ZBTB7C: variants seen among roughly 807,000 people sequenced by gnomAD.
The protein encoded by ZBTB7C is zinc finger and BTB domain-containing protein 7C.
Under a neutral mutation model 25.7 loss-of-function variants are expected in ZBTB7C, and 8 were observed. The ratio of observed to expected loss-of-function variants is 0.31; its 90% confidence interval spans 0.18 to 0.56. The LOEUF (loss-of-function observed/expected upper bound fraction) is 0.56, where lower values mean the gene tolerates loss of function less well. ZBTB7C is among the 20% of genes least tolerant of loss of function. ZBTB7C has a pLI of 0.91. For synonymous variants in ZBTB7C, 394 were observed against 369.0 expected, an observed-to-expected ratio of 1.07 and a Z score of -0.78; for missense variants, 824 against 855.2, an observed-to-expected ratio of 0.96 and a Z score of 0.46.
At chr18:48,329,641 T>C (rs934640451) in intron 2 of ZBTB7C, among the ~76,000 whole-genome samples, 11 of 152,204 alleles carry the variant, frequency 7.2e-5, no homozygotes, top group African/African-American at 2.7e-4. Flanking sequence ...TTTGCACATA[T>C]GAATACACAT....
chr18:48,090,447 G>A (rs972096965), intron 3 of ZBTB7C, among the ~76,000 whole-genome samples: 1 of 152,196 alleles, frequency 6.6e-6, no homozygotes, highest in African/African-American at 2.4e-5. Flanking sequence ...AACAATTGCT[G>A]TCTGCAGGCC....
intron 3 of ZBTB7C, among the ~76,000 whole-genome samples, chr18:48,161,427 C>T (rs942174696): frequency 1.3e-5 from 2 of 152,038 alleles, no homozygotes; most frequent in African/African-American, 4.8e-5. Context: ...GTAAAACCAA[C>T]GGGGCGGATT....
intron 3 of ZBTB7C, among the ~76,000 whole-genome samples, chr18:48,056,284 A>T (rs572944449): frequency 6.6e-6 from 1 of 152,368 alleles, no homozygotes; most frequent in East Asian, 1.9e-4. Flanking sequence ...CCACAATACC[A>T]TAAAGATGCC....
chr18:48,134,198 G>A (rs1043076571), intron 3 of ZBTB7C, among the ~76,000 whole-genome samples: 4 of 151,758 alleles, frequency 2.6e-5, no homozygotes, highest in Non-Finnish European at 5.9e-5. Flanking sequence ...TCACTCAGAT[G>A]GGTAATAGTT....
At chr18:48,074,650 C>T (rs1180118933) in intron 3 of ZBTB7C, among the ~76,000 whole-genome samples, 1 of 152,236 alleles carries the variant, frequency 6.6e-6, no homozygotes, top group Non-Finnish European at 1.5e-5. Flanking sequence ...GCAGACAGCA[C>T]TCTGGAACAG....
chr18:48,320,370 G>C (rs959548737), intron 2 of ZBTB7C, among the ~76,000 whole-genome samples: 1 of 152,210 alleles, frequency 6.6e-6, no homozygotes, highest in Non-Finnish European at 1.5e-5. Context: ...TGACATGGTG[G>C]GGAGAGGGCA....
intron 1 of ZBTB7C, among the ~76,000 whole-genome samples, chr18:48,358,906 T>C (rs1410366482): frequency 6.6e-6 from 1 of 152,152 alleles, no homozygotes; most frequent in African/African-American, 2.4e-5. Context: ...GGTTTCCTCC[T>C]CCCTTATGCC....
At position 48,114,774 on chromosome 18, in the gene ZBTB7C, A is replaced by G. The variant is rs183975614; in HGVS notation, c.-17+71160T>C. 2.5e-3 allele frequency among the ~76,000 whole-genome samples: 379 copies of G among 152,364 alleles called. 1 individual carries two copies. The highest frequency in any genetic ancestry group is 0.01 in the Middle Eastern group (3 of 294). ...GAATGGACTACAGCCACCTGCTTCA[A>G]GGTGGATGAATCGTAGAAACCTAGC... On this transcript the variant is annotated intron_variant, in intron 3 of 4. Coordinates refer to ENST00000590800, the MANE Select transcript of ZBTB7C (RefSeq NM_001318841.2).
chr18:48,219,739 T>C (rs539719437), intron 2 of ZBTB7C, among the ~76,000 whole-genome samples: 14 of 152,360 alleles, frequency 9.2e-5, no homozygotes, highest in African/African-American at 3.4e-4. Context: ...GAGTCTTGCA[T>C]GCTGCATCTC....
At chr18:48,117,539 T>C (rs557029530) in intron 3 of ZBTB7C, among the ~76,000 whole-genome samples, 1 of 152,326 alleles carries the variant, frequency 6.6e-6, no homozygotes, top group East Asian at 1.9e-4. Context: ...CTCTCTGGCC[T>C]CCTTTTTTCA....
At chr18:48,356,580 C>A (rs1488581375) in intron 1 of ZBTB7C, among the ~76,000 whole-genome samples, 1 of 152,138 alleles carries the variant, frequency 6.6e-6, no homozygotes, top group African/African-American at 2.4e-5. Context: ...AGGCTAAAGC[C>A]CCTGGCATCC....
At chr18:48,049,664 C>A (rs1238000640) in intron 3 of ZBTB7C, among the ~76,000 whole-genome samples, 1 of 152,136 alleles carries the variant, frequency 6.6e-6, no homozygotes, top group Non-Finnish European at 1.5e-5. Context: ...GTATTATGAT[C>A]CCTGTTATGG....
intron 2 of ZBTB7C, among the ~76,000 whole-genome samples, chr18:48,205,287 A>G (rs190851272): frequency 3.9e-5 from 6 of 152,276 alleles, no homozygotes; most frequent in East Asian, 1.9e-4. Flanking sequence ...TCTATAGACT[A>G]GTGACAATAT....
At chr18:48,246,451 T>C (rs1475769020) in intron 2 of ZBTB7C, among the ~76,000 whole-genome samples, 1 of 150,058 alleles carries the variant, frequency 6.7e-6, no homozygotes, top group Non-Finnish European at 1.5e-5. Context: ...AATAATAAAA[T>C]AATAATAATA....
intron 3 of ZBTB7C, among the ~76,000 whole-genome samples, chr18:48,075,663 G>A (rs1184805961): frequency 6.6e-6 from 1 of 152,168 alleles, no homozygotes; most frequent in East Asian, 1.9e-4. Flanking sequence ...CTGTTTCTGG[G>A]TGGAGGAGGG....
chr18:48,084,448 G>A (rs1024544032), intron 3 of ZBTB7C, among the ~76,000 whole-genome samples: 8 of 152,188 alleles, frequency 5.3e-5, no homozygotes, highest in Admixed American at 4.6e-4. Flanking sequence ...CAGCAGTGGC[G>A]GCAGGTGGCT....
chr18:48,230,226 C>T (rs2043216106), intron 2 of ZBTB7C, among the ~76,000 whole-genome samples: 1 of 152,180 alleles, frequency 6.6e-6, no homozygotes, highest in African/African-American at 2.4e-5. Context: ...CTTCATCCAC[C>T]AGTCCTCTCC....
At chr18:48,035,305 C>T (rs1047763208) in intron 4 of ZBTB7C, among the ~76,000 whole-genome samples, 1 of 152,226 alleles carries the variant, frequency 6.6e-6, no homozygotes, top group Admixed American at 6.5e-5. Context: ...CTCTATGGGA[C>T]CTCTGCTGTC....
chr18:48,267,408 G>A (rs1449742406), intron 2 of ZBTB7C, among the ~76,000 whole-genome samples: 1 of 152,192 alleles, frequency 6.6e-6, no homozygotes, highest in African/African-American at 2.4e-5. Context: ...ACTCTCAGCT[G>A]GAGTTTGCAC....
Sources: allele counts gnomAD v4.1 joint callset (sites outside exome capture counted in the v4.1 genomes callset), GRCh38; gene constraint gnomAD v4.1.1; transcripts MANE v1.5; gene names NCBI Gene and HGNC (gene_info 2026-07-23, HGNC 2026-07-21).